ME3: variants seen among roughly 807,000 people sequenced by gnomAD.
The protein encoded by ME3 is NADP-dependent malic enzyme, mitochondrial.
ME3 carries 48 observed loss-of-function variants against 68.9 expected under a neutral mutation model. The ratio of observed to expected loss-of-function variants is 0.70; its 90% CI spans 0.55 to 0.89. ME3 has a LOEUF of 0.89. Ranked by LOEUF, ME3 falls within the 40% of genes least tolerant of loss-of-function variation. ME3 has a pLI of 0.00. For synonymous variants in ME3, 320 were observed against 318.8 expected (o/e 1.00, Z -0.04); for missense variants, 675 against 797.4 (o/e 0.85, Z 1.85).
intron 4 of ME3, among the ~76,000 whole-genome samples, chr11:86,535,923 G>A (rs1031013038): frequency 2.0e-5 from 3 of 152,204 alleles, no homozygotes; most frequent in African/African-American, 4.8e-5. Flanking sequence ...GACAAGAACT[G>A]TATGGAAGGC....
At chr11:86,504,380 CTTTTTTTTTTTTT>C (rs35899335) in intron 5 of ME3, among the ~76,000 whole-genome samples, 6 of 77,394 alleles carry the variant, frequency 7.8e-5, no homozygotes, top group African/African-American at 2.6e-4. Context: ...CCTATACATT[CTTTTTTTTTTTTT>C]TTTTTTTTTT....
chr11:86,620,964 T>C (rs1261809749), intron 2 of ME3, among the ~76,000 whole-genome samples: 1 of 152,124 alleles, frequency 6.6e-6, no homozygotes, highest in African/African-American at 2.4e-5. Flanking sequence ...ATGCTTGTGG[T>C]TGGTTAAGTA....
At chr11:86,574,864 T>C (rs777973264) in intron 2 of ME3, among the ~76,000 whole-genome samples, 19 of 152,208 alleles carry the variant, frequency 1.2e-4, no homozygotes, top group Non-Finnish European at 2.6e-4. Context: ...AAGTTTTCTT[T>C]ATAAGCTTCT....
At chr11:86,638,507 C>T (rs540030026) in intron 2 of ME3, among the ~76,000 whole-genome samples, 1 of 152,134 alleles carries the variant, frequency 6.6e-6, no homozygotes, top group South Asian at 2.1e-4. Context: ...AAAGCTTTTG[C>T]TCAAAAAAGG....
chr11:86,583,368 G>T (rs7117143), intron 2 of ME3, among the ~76,000 whole-genome samples: 72,730 of 151,914 alleles, frequency 0.48, 18,960 homozygotes, highest in East Asian at 0.71. Flanking sequence ...TGCACCAACC[G>T]AATACAAGAT....
intron 2 of ME3, among the ~76,000 whole-genome samples, chr11:86,606,766 A>G (rs1961721002): frequency 6.6e-6 from 1 of 152,170 alleles, no homozygotes; most frequent in South Asian, 2.1e-4. Context: ...TGGTTGGTTG[A>G]TTGGTATTGA....
At chr11:86,464,370 A>ACTC (rs1434441403) in intron 8 of ME3, among the ~76,000 whole-genome samples, 2 of 152,174 alleles carry the variant, frequency 1.3e-5, no homozygotes. Context: ...CCAGCTTTGG[A>ACTC]CACTGGTAAC....
chr11:86,625,156 A>G (rs542122401), intron 2 of ME3, among the ~76,000 whole-genome samples: 1 of 152,300 alleles, frequency 6.6e-6, no homozygotes, highest in African/African-American at 2.4e-5. Flanking sequence ...AATACAAAAT[A>G]GAAGTGTTCT....
At chr11:86,570,217 C>T (rs1957710192) in intron 2 of ME3, among the ~76,000 whole-genome samples, 1 of 152,202 alleles carries the variant, frequency 6.6e-6, no homozygotes, top group Admixed American at 6.5e-5. Context: ...GAGCTGACTG[C>T]TTATGCTATA....
chr11:86,592,817 A>G (rs1213812371), intron 2 of ME3, among the ~76,000 whole-genome samples: 1 of 152,180 alleles, frequency 6.6e-6, no homozygotes, highest in Non-Finnish European at 1.5e-5. Flanking sequence ...AAACTTAGCA[A>G]GATTTGGGGA....
intron 2 of ME3, among the ~76,000 whole-genome samples, chr11:86,610,934 G>C (rs1942526047): frequency 6.6e-6 from 1 of 152,200 alleles, no homozygotes; most frequent in African/African-American, 2.4e-5. Context: ...CAATCCAGTT[G>C]TCAGGCAGCT....
At chr11:86,509,400 A>T (rs139073810) in intron 4 of ME3, among the ~76,000 whole-genome samples, 953 of 10,090 alleles carry the variant, frequency 0.094, 6 homozygotes, top group Non-Finnish European at 0.18. Flanking sequence ...CTCCATCATC[A>T]CACACACACA....
chr11:86,651,935 C>A (rs1004169504), intron 2 of ME3, among the ~76,000 whole-genome samples: 16 of 152,148 alleles, frequency 1.1e-4, no homozygotes, highest in Non-Finnish European at 1.5e-5. Context: ...GCACGAGAAC[C>A]ACATGACGAA....
intron 8 of ME3, among the ~76,000 whole-genome samples, chr11:86,459,958 G>A (rs1207787365): frequency 6.6e-6 from 1 of 152,238 alleles, no homozygotes; most frequent in Non-Finnish European, 1.5e-5. Context: ...TGGTCAGCTT[G>A]CAGGTGGAGG....
At chr11:86,446,559 C>A in intron 12 of ME3, 72 bp from the exon 13 acceptor site, 5 of 1,461,976 alleles carry the variant, frequency 3.4e-6, no homozygotes, top group Non-Finnish European at 4.7e-6. Flanking sequence ...CTATTCTTAT[C>A]TTCCAAATGT....
intron 2 of ME3, among the ~76,000 whole-genome samples, chr11:86,560,744 G>GTATATATA: frequency 1.5e-5 from 1 of 66,898 alleles, no homozygotes; most frequent in South Asian, 4.3e-4. Context: ...GTGTGTGTGT[G>GTATATATA]TGTGTATATA....
intron 2 of ME3, among the ~76,000 whole-genome samples, chr11:86,588,801 C>T (rs963504994): frequency 4.5e-4 from 68 of 152,294 alleles, no homozygotes; most frequent in Middle Eastern, 6.8e-3. Context: ...CTAAGGTTTA[C>T]TCATGGGTGA....
chr11:86,531,315 G>T (rs1955211899), intron 4 of ME3, among the ~76,000 whole-genome samples: 1 of 152,144 alleles, frequency 6.6e-6, no homozygotes, highest in South Asian at 2.1e-4. Flanking sequence ...TCTCACACCA[G>T]TTAGAATGGC....
intron 4 of ME3, among the ~76,000 whole-genome samples, chr11:86,512,412 C>G (rs1289062969): frequency 6.6e-6 from 1 of 152,208 alleles, no homozygotes; most frequent in East Asian, 1.9e-4. Context: ...AAGTGTGCAT[C>G]TATTTTTGTT....
Sources: allele counts gnomAD v4.1 joint callset (sites outside exome capture counted in the v4.1 genomes callset), GRCh38; gene constraint gnomAD v4.1.1; transcripts MANE v1.5; gene names NCBI Gene and HGNC (gene_info 2026-07-23, HGNC 2026-07-21).